Variants in ZNF333 observed in about 807,000 individuals in gnomAD.
The protein encoded by ZNF333 is zinc finger protein 333.
Under a neutral mutation model 76.1 loss-of-function variants are expected in ZNF333, and 61 were observed. That is an observed-to-expected ratio of 0.80 (90% CI 0.65 to 0.99). ZNF333 has a LOEUF of 0.99. Among genes scored for constraint, ZNF333 ranks in the 50% least tolerant of loss-of-function variants. The pLI is 0.00. For missense variants in ZNF333, 717 were observed against 822.4 expected, an observed-to-expected ratio of 0.87 and a Z score of 1.57; for synonymous variants, 284 against 305.0, an observed-to-expected ratio of 0.93 and a Z score of 0.72.
At chr19:14,699,478 T>A in intron 5 of ZNF333, 197 bp downstream of exon 5, 1 of 503,002 alleles carries the variant, frequency 2.0e-6, no homozygotes, top group Non-Finnish European at 3.6e-6. Context: ...TTTTTTTTTT[T>A]GAGACAGAGT....
chr19:14,732,315 T>C (rs2042678351), exon 12 of ZNF333: 1 of 152,056 alleles, frequency 6.6e-6, no homozygotes, highest in South Asian at 2.1e-4. Flanking sequence ...AGTATGTACA[T>C]TAAAAAAAAG....
intron 7 of ZNF333, among the ~76,000 whole-genome samples, chr19:14,711,998 A>G (rs956310086): frequency 5.9e-5 from 9 of 152,064 alleles, no homozygotes; most frequent in African/African-American, 2.2e-4. Flanking sequence ...AGTGGATCCA[A>G]AAAGAAAAGG....
chr19:14,719,134 TC>T lies in ZNF333; in HGVS notation c.1808del (p.Ser603TyrfsTer7). 6.2e-7 allele frequency: 1 copy of T among 1,614,188 alleles called. No individual in the cohort carries two copies. Among genetic ancestry groups the T allele is most frequent in the Non-Finnish European group, 8.5e-7 (1 of 1,180,034 alleles). On this transcript the variant is annotated frameshift_variant, in exon 12 of 12. Transcript: ENST00000292530. LOFTEE classifies it high-confidence loss of function. Reference protein sequence around the residue: ...QECGRAFGQSSHLIVHVRTHS... With the variant: ...QECGRAFGQSXHLIVHVRTHS... ...ATGCGGGCGAGCCTTTGGTCAGTCT[TC>T]ACATCTTATTGTACATGTGAGAACA...
intron 7 of ZNF333, among the ~76,000 whole-genome samples, chr19:14,713,450 A>C (rs2042335780): frequency 6.6e-6 from 1 of 152,122 alleles, no homozygotes; most frequent in Admixed American, 6.6e-5. Context: ...CAGATGTGAG[A>C]GTCAGCCTGG....
exon 12 of ZNF333, chr19:14,731,195 A>G (rs542278334): frequency 9.3e-5 from 142 of 1,534,506 alleles, no homozygotes; most frequent in Admixed American, 7.3e-4. Flanking sequence ...AATTTGGAAG[A>G]ATTTCCACAT....
downstream of ZNF333, among the ~76,000 whole-genome samples, chr19:14,724,766 CA>C (rs2042623768): frequency 6.6e-6 from 1 of 152,074 alleles, no homozygotes; most frequent in Non-Finnish European, 1.5e-5. Flanking sequence ...AATTTTGTCT[CA>C]AAAAGAAAAA....
intron 7 of ZNF333, chr19:14,708,985 A>C (rs1422735919): frequency 1.3e-5 from 2 of 152,204 alleles, no homozygotes; most frequent in Admixed American, 1.3e-4. Flanking sequence ...TGTTGGAGGA[A>C]GGGCTTGGTG....
At chr19:14,714,372 C>T (rs780163205) in intron 7 of ZNF333, among the ~76,000 whole-genome samples, 16 of 151,904 alleles carry the variant, frequency 1.1e-4, no homozygotes, top group South Asian at 2.1e-4. Context: ...GGGGACCGTG[C>T]GACGGTGGAG....
At position 14,721,891 on chromosome 19, in the gene ZNF333, G is replaced by T. The variant is rs1025276907; in HGVS notation, c.*2566G>T. The stretch of plus-strand genomic sequence containing the variant: ...GAATAAAGCTGCTGTGAATGTTCTT[G>T]TTAAGTCATACTGTGGACATAGGTA... On this transcript the variant is annotated 3_prime_UTR_variant, in exon 12 of 12. Coordinates refer to ENST00000292530, the MANE Select transcript of ZNF333 (RefSeq NM_032433.4). 1 of 152,178 alleles carries T rather than the reference G, an allele frequency of 6.6e-6. No homozygotes were observed. Among genetic ancestry groups the T allele is most frequent in the Non-Finnish European group, 1.5e-5 (1 of 68,012 alleles). The allele number at this position is 152,178 out of a possible 1,614,324, so 9.4% of individuals were successfully genotyped here.
chr19:14,690,965 C>T (rs1323691700), intron 1 of ZNF333, among the ~76,000 whole-genome samples: 8 of 151,630 alleles, frequency 5.3e-5, no homozygotes, highest in African/African-American at 1.9e-4. Flanking sequence ...TAGTGGTGGG[C>T]GCCTGTAATC....
downstream of ZNF333, among the ~76,000 whole-genome samples, chr19:14,726,631 C>T (rs150960935): frequency 4.9e-3 from 752 of 152,294 alleles, 3 homozygotes; most frequent in Middle Eastern, 0.024. Flanking sequence ...AAATTTCTCC[C>T]ACCAGACACT....
At chr19:14,713,080 T>A (rs1293400941) in intron 7 of ZNF333, among the ~76,000 whole-genome samples, 1 of 152,118 alleles carries the variant, frequency 6.6e-6, no homozygotes, top group Non-Finnish European at 1.5e-5. Flanking sequence ...CCCACAACTC[T>A]TCATGTCAGT....
rs76970646 is a variant in ZNF333, at chr19:14,713,306, G to T, written c.512-2076G>T. Among the ~76,000 whole-genome samples the T allele has an allele frequency of 3.1e-4, 47 of 152,270 alleles. No individual in the cohort carries two copies. The East Asian group carries it at 8.3e-3, about 27-fold the overall frequency. On this transcript the variant is annotated intron_variant, in intron 7 of 11. Transcript: ENST00000292530. ...AACCCATCAGGGCAAATGCTATGAG[G>T]TTTCCAGGCCTGGAACAAATCCTCT... is the stretch of plus-strand genomic sequence containing the variant.
chr19:14,692,531 TCAGA>T (rs1972849522), intron 1 of ZNF333, among the ~76,000 whole-genome samples: 1 of 151,990 alleles, frequency 6.6e-6, no homozygotes, highest in African/African-American at 2.4e-5. Flanking sequence ...TTTTTTTCTT[TCAGA>T]CAGAGTCTTG....
At chr19:14,712,895 G>C (rs1270100119) in intron 7 of ZNF333, among the ~76,000 whole-genome samples, 1 of 151,986 alleles carries the variant, frequency 6.6e-6, no homozygotes, top group Non-Finnish European at 1.5e-5. Context: ...TTTTTGGGGG[G>C]TTCACAGTTC....
In ZNF333 at chr19:14,718,708, C is replaced by A. The variant is rs560786227; in HGVS notation, c.1381C>A (p.Gln461Lys). 268 of 1,613,920 alleles carry A rather than the reference C, an allele frequency of 1.7e-4. 9 individuals are homozygous for A. In the South Asian group the frequency reaches 2.9e-3, roughly 17 times the overall value. The change falls in exon 12 of 12, where the codon CAG becomes AAG. Residue 461 changes from glutamine (Q) to lysine (K), a missense_variant. Gln to Lys is a moderately conservative substitution (Grantham distance 53, BLOSUM62 1). Coordinates refer to ENST00000292530, the MANE Select transcript of ZNF333 (RefSeq NM_032433.4). ...TAAAGATTGTGGGAAAGCCTTCAAT[C>A]AGCCATCATCCCTCAGGAGCCACGT... is the stretch of plus-strand genomic sequence containing the variant. ...ECKDCGKAFNQPSSLRSHVRT... is the reference protein window; with the variant it reads ...ECKDCGKAFNKPSSLRSHVRT...
chr19:14,697,178 G>A (rs1973267660), intron 4 of ZNF333, among the ~76,000 whole-genome samples: 1 of 152,078 alleles, frequency 6.6e-6, no homozygotes, highest in Non-Finnish European at 1.5e-5. Flanking sequence ...ATCCATCCAT[G>A]TTGTAGCATG....
At chr19:14,702,519 CT>C (rs1286160414) in intron 5 of ZNF333, among the ~76,000 whole-genome samples, 1 of 152,018 alleles carries the variant, frequency 6.6e-6, no homozygotes, top group East Asian at 1.9e-4. Context: ...AGGATTCTGT[CT>C]CAAAAAAAGA....
intron 7 of ZNF333, chr19:14,715,163 G>GTATATGTGTGCGTGTTTGTGTT: frequency 3.8e-6 from 2 of 526,480 alleles, no homozygotes; most frequent in Non-Finnish European, 7.0e-6. Flanking sequence ...GTGTTTGTGT[G>GTATATGTGTGCGTGTTTGTGTT]TATATGTGTG....
Sources: allele counts gnomAD v4.1 joint callset (sites outside exome capture counted in the v4.1 genomes callset), GRCh38; gene constraint gnomAD v4.1.1; transcripts MANE v1.5; gene names NCBI Gene and HGNC (gene_info 2026-07-23, HGNC 2026-07-21).